Variants in SS18 observed in about 807,000 individuals in gnomAD.
The protein encoded by SS18 is SS18 subunit of BAF chromatin remodeling complex.
SS18 carries 28 observed loss-of-function variants against 72.5 expected under a neutral mutation model. That is an observed-to-expected ratio of 0.39 (90% CI 0.29 to 0.53). SS18 has a LOEUF of 0.53. Among genes scored for constraint, SS18 ranks in the 20% least tolerant of loss-of-function variants. The probability of loss-of-function intolerance (pLI) is 0.76; values close to 1 mark genes in which losing one functional copy is unlikely to be tolerated. For missense variants in SS18, 518 were observed against 535.3 expected (o/e 0.97, Z 0.32); for synonymous variants, 172 against 164.2 (o/e 1.05, Z -0.37).
chr18:26,065,817 A>ATATATATATATATATATATATATATATC, intron 3 of SS18, among the ~76,000 whole-genome samples: 1 of 141,762 alleles, frequency 7.1e-6, no homozygotes, highest in Non-Finnish European at 1.6e-5. Context: ...ATATATATAT[A>ATATATATATATATATATATATATATATC]TATATATGAT....
chr18:26,041,648 CA>C (rs1226441673), intron 5 of SS18, among the ~76,000 whole-genome samples: 2 of 151,858 alleles, frequency 1.3e-5, no homozygotes, highest in African/African-American at 4.8e-5. Flanking sequence ...TTTTCTTCTC[CA>C]ACACTGTCTA....
At chr18:26,029,960 T>C (rs930725236) in intron 10 of SS18, among the ~76,000 whole-genome samples, 1 of 152,158 alleles carries the variant, frequency 6.6e-6, no homozygotes. Flanking sequence ...GGAGAAGTGG[T>C]TGGCAACTAC....
Position 26,017,207 on chromosome 18 carries a change from C to A in SS18, c.*1147G>T. 1 of 202,354 alleles carries A rather than the reference C, an allele frequency of 4.9e-6. No homozygotes were observed. The highest frequency in any genetic ancestry group is 1.9e-4 in the South Asian group (1 of 5,230). The allele number at this position is 202,354 out of a possible 1,614,324, so 12.5% of individuals were successfully genotyped here. A position where few individuals can be genotyped will look rare whatever the true frequency, so the allele number is the denominator to read the frequency against. On this transcript the variant is annotated 3_prime_UTR_variant, in exon 11 of 11. Coordinates refer to ENST00000415083, the MANE Select transcript of SS18 (RefSeq NM_001007559.3). ...CTTTAAAAACAGATAGAATAAACCTCATCAATAAGCATTTTCCTAAATATC... is the reference window on the plus strand; with the variant it reads ...CTTTAAAAACAGATAGAATAAACCTAATCAATAAGCATTTTCCTAAATATC...
intron 1 of SS18, among the ~76,000 whole-genome samples, chr18:26,089,119 T>G (rs556957078): frequency 6.6e-6 from 1 of 152,200 alleles, no homozygotes; most frequent in Non-Finnish European, 1.5e-5. Flanking sequence ...TTAGAGCCCA[T>G]TTTTCTGTTC....
chr18:26,033,270 C>T lies in SS18; in HGVS notation c.1097-738G>A, dbSNP rs149490129. Among the ~76,000 whole-genome samples the T allele has an allele frequency of 7.1e-3, 1,079 of 152,208 alleles. 15 individuals carry two copies. Among genetic ancestry groups the T allele is most frequent in the African/African-American group, 0.025 (1,023 of 41,526 alleles). ...GGCTTACGCCTGTAATCCCAGCACT[C>T]TGGGAGGCTGAGGTGGGAGGATCAC... is the stretch of plus-strand genomic sequence containing the variant. On this transcript the variant is annotated intron_variant, in intron 9 of 10. Transcript: ENST00000415083.
At position 26,038,656 on chromosome 18, in the gene SS18, G is replaced by A. The variant is rs148462448; in HGVS notation, c.779C>T (p.Pro260Leu). 1.2e-6 allele frequency: 2 copies of A among 1,612,582 alleles called. No homozygotes were observed. The highest frequency in any genetic ancestry group is 1.7e-6 in the Non-Finnish European group (2 of 1,179,054). Residue 260 changes from proline (P) to leucine (L), a missense_variant, in exon 7 of 11, where the codon CCA (proline) becomes CTA (leucine). Physicochemically the swap from Pro to Leu is moderately conservative, Grantham distance 98. Coordinates refer to ENST00000415083, the MANE Select transcript of SS18 (RefSeq NM_001007559.3). ...TTCCTGGCCTGAGTACTGCTGTGGTGGGCCTGAAAAACCACAACCAGTCAA... is the reference window on the plus strand; with the variant it reads ...TTCCTGGCCTGAGTACTGCTGTGGTAGGCCTGAAAAACCACAACCAGTCAA... The part of the protein sequence containing the change: ...IPPYRPPQQG[P>L]PQQYSGQEDY...
In SS18 at chr18:26,018,664, T is replaced by C. The variant is rs1322678067; in HGVS notation, c.1231-284A>G. On this transcript the variant is annotated intron_variant, in intron 10 of 10. Coordinates refer to ENST00000415083, the MANE Select transcript of SS18 (RefSeq NM_001007559.3). ...GGGAACTTAAATGTTTAGTGAATTT[T>C]GTTGAATGAATTGAGCAGGCATTGA... 2.0e-5 allele frequency among the ~76,000 whole-genome samples: 3 copies of C among 152,220 alleles called. No homozygotes were observed. In the East Asian group the frequency reaches 5.8e-4, roughly 29 times the overall value.
chr18:26,039,438 T>G lies in SS18; in HGVS notation c.626A>C (p.Gln209Pro). The change falls in exon 6 of 11, where the codon CAG (glutamine) becomes CCG (proline). Residue 209 changes from glutamine to proline, a missense_variant. Transcript: ENST00000415083. The stretch of plus-strand genomic sequence containing the variant: ...CATATTGTATTGCTGAGAAGGAGGC[T>G]GCTGATGCATCATTGGACCTGAAAC... The part of the protein sequence containing the change: ...QPNQGPMMHQ[Q>P]PPSQQYNMPQ... 1 of 1,613,624 alleles carries G rather than the reference T, an allele frequency of 6.2e-7. No individual in the cohort carries two copies. The highest frequency in any genetic ancestry group is 8.5e-7 in the Non-Finnish European group (1 of 1,179,642).
chr18:26,024,905 A>T (rs1428237032), intron 10 of SS18, among the ~76,000 whole-genome samples: 1 of 152,118 alleles, frequency 6.6e-6, no homozygotes, highest in Non-Finnish European at 1.5e-5. Flanking sequence ...GACTGACTAC[A>T]TATGCTGTCT....
At chr18:26,060,704 C>T (rs1001152333) in intron 3 of SS18, among the ~76,000 whole-genome samples, 6 of 139,988 alleles carry the variant, frequency 4.3e-5, no homozygotes, top group South Asian at 2.3e-4. Context: ...GCAGGCAGAT[C>T]ACTCGAAGCC....
chr18:26,072,751 C>T (rs919811794), intron 3 of SS18, among the ~76,000 whole-genome samples: 1 of 126,036 alleles, frequency 7.9e-6, no homozygotes, highest in African/African-American at 3.1e-5. Flanking sequence ...GAGCCGAGAT[C>T]ACACCACTGC....
chr18:26,072,464 A>G (rs1486209006), intron 3 of SS18, among the ~76,000 whole-genome samples: 3 of 152,148 alleles, frequency 2.0e-5, no homozygotes, highest in Non-Finnish European at 4.4e-5. Flanking sequence ...TTATTTAGCT[A>G]TGCTAATATC....
intron 5 of SS18, among the ~76,000 whole-genome samples, chr18:26,052,213 C>T (rs1310505747): frequency 1.3e-5 from 2 of 152,182 alleles, no homozygotes; most frequent in East Asian, 3.8e-4. Context: ...TTTAGAATTA[C>T]CTTTTAATGC....
At chr18:26,087,276 C>A (rs1394259796) in intron 2 of SS18, among the ~76,000 whole-genome samples, 1 of 152,008 alleles carries the variant, frequency 6.6e-6, no homozygotes, top group African/African-American at 2.4e-5. Context: ...ATAGTGACTG[C>A]CAAAGGATAC....
intron 5 of SS18, among the ~76,000 whole-genome samples, chr18:26,040,047 A>T (rs1336853459): frequency 1.3e-5 from 2 of 152,198 alleles, no homozygotes; most frequent in Non-Finnish European, 2.9e-5. Flanking sequence ...CAACTACAAG[A>T]TTTATAACCT....
At chr18:26,061,504 G>A (rs2054124048) in intron 3 of SS18, among the ~76,000 whole-genome samples, 1 of 152,042 alleles carries the variant, frequency 6.6e-6, no homozygotes, top group Non-Finnish European at 1.5e-5. Flanking sequence ...ATATATCAAA[G>A]TATTAAAAAC....
chr18:26,059,989 T>C (rs1423000162), intron 3 of SS18, among the ~76,000 whole-genome samples: 2 of 152,236 alleles, frequency 1.3e-5, no homozygotes, highest in African/African-American at 2.4e-5. Flanking sequence ...GAAAACAGTT[T>C]GACAGTTCCT....
At chr18:26,030,910 A>G (rs993086620) in intron 10 of SS18, among the ~76,000 whole-genome samples, 2 of 152,196 alleles carry the variant, frequency 1.3e-5, no homozygotes, top group Non-Finnish European at 2.9e-5. Flanking sequence ...AGAAATATAG[A>G]AACTAAAGAA....
intron 3 of SS18, among the ~76,000 whole-genome samples, chr18:26,066,301 C>T (rs1187460174): frequency 6.6e-6 from 1 of 152,056 alleles, no homozygotes; most frequent in Non-Finnish European, 1.5e-5. Context: ...GCAGTATGAA[C>T]ACTTTGAGAA....
Sources: allele counts gnomAD v4.1 joint callset (sites outside exome capture counted in the v4.1 genomes callset), GRCh38; gene constraint gnomAD v4.1.1; transcripts MANE v1.5; gene names NCBI Gene and HGNC (gene_info 2026-07-23, HGNC 2026-07-21).